PPP4R3B: variants seen among roughly 807,000 people sequenced by gnomAD.
The protein encoded by PPP4R3B is protein phosphatase 4 regulatory subunit 3B.
PPP4R3B carries 52 observed loss-of-function variants against 95.4 expected under a neutral mutation model. The observed-to-expected ratio is 0.54, with a 90% CI of 0.44 to 0.69. PPP4R3B has a LOEUF of 0.69. Ranked by LOEUF, PPP4R3B falls within the 30% of genes least tolerant of loss-of-function variation. The pLI, the probability that PPP4R3B is intolerant of heterozygous loss-of-function variation, is 0.00. For synonymous variants in PPP4R3B, 407 were observed against 343.9 expected, an observed-to-expected ratio of 1.18 and a Z score of -2.03; for missense variants, 1,003 against 1,005.9, an observed-to-expected ratio of 1.00 and a Z score of 0.04.
chr2:55,584,974 T>A, intron 7 of PPP4R3B, 77 bp downstream of exon 7: 1 of 1,073,688 alleles, frequency 9.3e-7, no homozygotes, highest in Non-Finnish European at 1.4e-6. Flanking sequence ...GATTATGTTA[T>A]GTTTTTTCTC....
At chr2:55,611,625 C>T (rs780885658) in intron 2 of PPP4R3B, among the ~76,000 whole-genome samples, 1 of 152,154 alleles carries the variant, frequency 6.6e-6, no homozygotes, top group Non-Finnish European at 1.5e-5. Context: ...TTTGGTACTT[C>T]ATTTATGAAA....
At chr2:55,572,359 G>A (rs1558973185) in intron 12 of PPP4R3B, among the ~76,000 whole-genome samples, 1 of 151,986 alleles carries the variant, frequency 6.6e-6, no homozygotes, top group Admixed American at 6.6e-5. Context: ...CAATGAAGAT[G>A]GACATTTTCT....
chr2:55,580,546 C>T (rs1689316514), intron 8 of PPP4R3B, among the ~76,000 whole-genome samples: 1 of 152,176 alleles, frequency 6.6e-6, no homozygotes, highest in South Asian at 2.1e-4. Context: ...TTTGGAACCC[C>T]AGATTTCACC....
intron 3 of PPP4R3B, 90 bp downstream of exon 3, chr2:55,603,888 G>T (rs1479232045): frequency 1.2e-6 from 1 of 804,272 alleles, no homozygotes; most frequent in Non-Finnish European, 1.9e-6. Flanking sequence ...ACACTATCTC[G>T]CCACATCCTA....
At chr2:55,592,875 T>G (rs1457895494) in intron 4 of PPP4R3B, among the ~76,000 whole-genome samples, 1 of 152,166 alleles carries the variant, frequency 6.6e-6, no homozygotes, top group African/African-American at 2.4e-5. Flanking sequence ...AAAATTTAAT[T>G]TCTGGCTGGG....
intron 12 of PPP4R3B, 130 bp downstream of exon 12, chr2:55,573,489 G>A (rs1688263749): frequency 1.2e-6 from 1 of 848,890 alleles, no homozygotes. Context: ...CTTTAAATAA[G>A]AACAAAAGAA....
At chr2:55,580,582 C>G (rs912891516) in intron 8 of PPP4R3B, among the ~76,000 whole-genome samples, 4 of 152,156 alleles carry the variant, frequency 2.6e-5, no homozygotes, top group African/African-American at 9.6e-5. Flanking sequence ...TTAAAAACCA[C>G]TGAATCACTT....
At position 55,585,039 on chromosome 2, in the gene PPP4R3B, A is replaced by G. The variant is rs558698411; in HGVS notation, c.1233+12T>C. The G allele has an allele frequency of 8.1e-5, 128 of 1,588,950 alleles. 1 individual carries two copies. The South Asian group carries it at 1.4e-3, about 17-fold the overall frequency. On this transcript the variant is annotated intron_variant, in intron 7 of 16. Coordinates refer to ENST00000616407, the MANE Select transcript of PPP4R3B (RefSeq NM_001122964.3). ...CAGGTAATTCACATAGAACCACAGC[A>G]TTATTACTTACGTCATCACTCTGCT...
At chr2:55,576,023 G>A (rs1367193015) in intron 11 of PPP4R3B, among the ~76,000 whole-genome samples, 1 of 151,490 alleles carries the variant, frequency 6.6e-6, no homozygotes, top group South Asian at 2.1e-4. Context: ...CAGTACCACA[G>A]CCAAAATTTG....
chr2:55,604,717 A>ATT (rs1693135685), intron 2 of PPP4R3B, among the ~76,000 whole-genome samples: 1 of 152,066 alleles, frequency 6.6e-6, no homozygotes, highest in Non-Finnish European at 1.5e-5. Flanking sequence ...ATGCCTACCA[A>ATT]AGGGTTAGTT....
chr2:55,609,679 A>AC lies in PPP4R3B; in HGVS notation c.199-5604_199-5603insG, dbSNP rs968414248. 2.2e-4 allele frequency among the ~76,000 whole-genome samples: 34 copies of AC among 152,024 alleles called. 1 individual carries two copies. The highest frequency in any genetic ancestry group is 6.5e-4 in the African/African-American group (27 of 41,488). On this transcript the variant is annotated intron_variant, in intron 2 of 16. Coordinates refer to ENST00000616407, the MANE Select transcript of PPP4R3B (RefSeq NM_001122964.3). Reference sequence around the variant, plus strand: ...CAAGACTGTGTCTCAAAAAAAAAAAAAACAAAAAAAACAAAAAAACTCTTT... The same window carrying AC: ...CAAGACTGTGTCTCAAAAAAAAAAAACAACAAAAAAAACAAAAAAACTCTTT...
At chr2:55,595,800 A>G (rs1691690498) in intron 4 of PPP4R3B, among the ~76,000 whole-genome samples, 1 of 152,034 alleles carries the variant, frequency 6.6e-6, no homozygotes, top group Non-Finnish European at 1.5e-5. Flanking sequence ...AAACCTCATA[A>G]ATGCCTGTAA....
At chr2:55,606,820 C>T (rs1280934928) in intron 2 of PPP4R3B, among the ~76,000 whole-genome samples, 1 of 84,900 alleles carries the variant, frequency 1.2e-5, no homozygotes, top group Non-Finnish European at 2.1e-5. Context: ...GAGACTTTGC[C>T]TCAAAAAAAA....
rs1688963496 is a variant in PPP4R3B, at chr2:55,578,297, G to A, written c.1514C>T (p.Thr505Ile). The A allele has an allele frequency of 4.1e-6, 6 of 1,472,820 alleles. No homozygotes were observed. The highest frequency in any genetic ancestry group is 1.5e-5 in the South Asian group (1 of 66,442). 91.2% of individuals were successfully genotyped at this position (1,472,820 alleles called of 1,614,324 possible). ...HYRYSWSFIC[T>I]PSHSHSHSTP... The stretch of plus-strand genomic sequence containing the variant: ...AGAATGGGAATGGGAATGTGAAGGG[G>A]TACATATGAAACTCCAACTATATCT... The change falls in exon 10 of 17, where the codon ACC becomes ATC. Residue 505 changes from threonine (T) to isoleucine (I), a missense_variant. Transcript: ENST00000616407.
In PPP4R3B at chr2:55,556,632, TA is replaced by T. The variant is rs570817892; in HGVS notation, c.2454+2142del. 6.0e-3 allele frequency among the ~76,000 whole-genome samples: 842 copies of T among 141,298 alleles called. 2 individuals carry two copies. Among genetic ancestry groups the T allele is most frequent in the Middle Eastern group, 0.015 (4 of 272 alleles). 92.7% of individuals were successfully genotyped at this position (141,298 alleles called of 152,430 possible). A position where few individuals can be genotyped will look rare whatever the true frequency, so the allele number is the denominator to read the frequency against. Reference sequence around the variant, plus strand: ...AGTACATGCATGTATTACTTTGATTTAAAAAAAAAAAAAGAAAAAAAAGAAA... The same window carrying T: ...AGTACATGCATGTATTACTTTGATTTAAAAAAAAAAAAGAAAAAAAAGAAA... On this transcript the variant is annotated intron_variant, in intron 16 of 16. Coordinates refer to ENST00000616407, the MANE Select transcript of PPP4R3B (RefSeq NM_001122964.3).
intron 15 of PPP4R3B, among the ~76,000 whole-genome samples, chr2:55,561,220 G>T (rs912604184): frequency 6.6e-6 from 1 of 152,142 alleles, no homozygotes; most frequent in African/African-American, 2.4e-5. Flanking sequence ...TGTGACACGG[G>T]GCCTGTGGGG....
At chr2:55,613,716 T>A (rs1047885378) in intron 2 of PPP4R3B, among the ~76,000 whole-genome samples, 2 of 152,064 alleles carry the variant, frequency 1.3e-5, no homozygotes, top group African/African-American at 4.8e-5. Context: ...AATCCATTAT[T>A]AAACCTAAAT....
chr2:55,577,144 C>T (rs1224682999), intron 11 of PPP4R3B, among the ~76,000 whole-genome samples, 171 bp downstream of exon 11: 3 of 152,154 alleles, frequency 2.0e-5, no homozygotes, highest in African/African-American at 7.2e-5. Flanking sequence ...AATTCCAACT[C>T]GTTTTCTATT....
chr2:55,616,278 T>C (rs1694913658), intron 1 of PPP4R3B, among the ~76,000 whole-genome samples: 1 of 152,192 alleles, frequency 6.6e-6, no homozygotes, highest in South Asian at 2.1e-4. Context: ...TATCCTTTCC[T>C]CATTAAGAAC....
Sources: allele counts gnomAD v4.1 joint callset (sites outside exome capture counted in the v4.1 genomes callset), GRCh38; gene constraint gnomAD v4.1.1; transcripts MANE v1.5; gene names NCBI Gene and HGNC (gene_info 2026-07-23, HGNC 2026-07-21).